The following SERTM2 variants were observed in gnomAD, a reference collection of about 807,000 sequenced individuals.
SERTM2 encodes serine-rich and transmembrane domain-containing protein 2.
chrX:111,518,668 G>A lies in SERTM2; in HGVS notation c.-190G>A, dbSNP rs1930359436. ...CGATTGCTGTGCTGAAGGATAGAGA[G>A]GGTGTTGCAATTGTCAAATAGCATC... On this transcript the variant is annotated 5_prime_UTR_variant, in exon 3 of 3. Transcript: ENST00000569275. 1.4e-5 allele frequency: 4 copies of A among 292,546 alleles called. No homozygotes were observed. Among genetic ancestry groups the A allele is most frequent in the African/African-American group, 5.5e-5 (2 of 36,300 alleles). The allele number at this position is 292,546 out of a possible 1,213,427, so 24.1% of individuals were successfully genotyped here.
Position 111,521,170 on chromosome X carries a change from G to A in SERTM2, c.*2040G>A, listed in dbSNP as rs2147492287. 1 of 112,358 alleles carries A rather than the reference G, an allele frequency of 8.9e-6. No homozygotes were observed. Among genetic ancestry groups the A allele is most frequent in the African/African-American group, 3.2e-5 (1 of 30,971 alleles). The allele number at this position is 112,358 out of a possible 1,213,427, so 9.3% of individuals were successfully genotyped here. A position where few individuals can be genotyped will look rare whatever the true frequency, so the allele number is the denominator to read the frequency against. ...TGTTGCTGAATCTAATAGAGATACAGACTGAAAATCTATTCTCTGCCCATC... is the reference window on the plus strand; with the variant it reads ...TGTTGCTGAATCTAATAGAGATACAAACTGAAAATCTATTCTCTGCCCATC... On this transcript the variant is annotated 3_prime_UTR_variant, in exon 3 of 3. Coordinates refer to ENST00000569275, the MANE Select transcript of SERTM2 (RefSeq NM_001354473.2).
rs906450583 is a variant in SERTM2 at position 111,520,457 on chromosome X, G to T, written c.*1327G>T. Reference sequence around the variant, plus strand: ...AGTTATCTTTTGTACCTAAAGGGGGGTCATCAAATTTCACAGAGTACTCTC... The same window carrying T: ...AGTTATCTTTTGTACCTAAAGGGGGTTCATCAAATTTCACAGAGTACTCTC... On this transcript the variant is annotated 3_prime_UTR_variant, in exon 3 of 3. Coordinates refer to ENST00000569275, the MANE Select transcript of SERTM2 (RefSeq NM_001354473.2). 9.0e-6 allele frequency: 1 copy of T among 111,567 alleles called. No individual in the cohort carries two copies. Among genetic ancestry groups the T allele is most frequent in the Non-Finnish European group, 1.9e-5 (1 of 53,108 alleles). 9.2% of individuals were successfully genotyped at this position (111,567 alleles called of 1,213,427 possible). A position where few individuals can be genotyped will look rare whatever the true frequency, so the allele number is the denominator to read the frequency against.
At chrX:111,515,667 A>G (rs777073860) in intron 2 of SERTM2, among the ~76,000 whole-genome samples, 14 of 111,734 alleles carry the variant, frequency 1.3e-4, no homozygotes, top group African/African-American at 4.5e-4. Context: ...TTTCAAAAAC[A>G]TACTAAGTAA....
At chrX:111,513,153 C>T (rs947486418) in intron 2 of SERTM2, among the ~76,000 whole-genome samples, 5 of 108,596 alleles carry the variant, frequency 4.6e-5, no homozygotes, top group Admixed American at 2.0e-4. Flanking sequence ...CCTTCCTTCT[C>T]CCCCTCATAA....
At chrX:111,517,760 A>C (rs867878223) in intron 2 of SERTM2, among the ~76,000 whole-genome samples, 2 of 101,412 alleles carry the variant, frequency 2.0e-5, no homozygotes, top group Non-Finnish European at 4.3e-5. Flanking sequence ...CCTACTGTGG[A>C]GATTATGATT....
chrX:111,517,468 C>T (rs1408303492), intron 2 of SERTM2, among the ~76,000 whole-genome samples: 20 of 110,408 alleles, frequency 1.8e-4, no homozygotes. Flanking sequence ...AGACATTTTT[C>T]CCCAGTGTTT....
chrX:111,518,987 A>T lies in SERTM2; in HGVS notation c.130A>T (p.Ser44Cys). The T allele has an allele frequency of 3.4e-6, 1 of 297,392 alleles. No individual in the cohort carries two copies. Among genetic ancestry groups the T allele is most frequent in the Admixed American group, 6.1e-5 (1 of 16,447 alleles). The allele number at this position is 297,392 out of a possible 1,213,427, so 24.5% of individuals were successfully genotyped here. The change falls in exon 3 of 3, where the codon AGC becomes TGC. Residue 44 changes from serine to cysteine, a missense_variant. Ser to Cys is a moderately radical substitution (Grantham distance 112). Transcript: ENST00000569275. The stretch of plus-strand genomic sequence containing the variant: ...GTACATGTATGTGGGCTTATTCCTG[A>T]GCCTCCTGGCCATTCTCCTCATCCT... ...NLYMYVGLFLSLLAILLILLF... is the reference protein window; with the variant it reads ...NLYMYVGLFLCLLAILLILLF...
intron 2 of SERTM2, among the ~76,000 whole-genome samples, chrX:111,514,365 T>G (rs1469261411): frequency 9.0e-6 from 1 of 111,661 alleles, no homozygotes; most frequent in African/African-American, 3.2e-5. Context: ...CTCAAGAATT[T>G]TGTAAGTTAC....
At chrX:111,513,885 A>C (rs1930267627) in intron 2 of SERTM2, among the ~76,000 whole-genome samples, 1 of 111,675 alleles carries the variant, frequency 9.0e-6, no homozygotes, top group South Asian at 3.7e-4. Flanking sequence ...GAATTCTAAT[A>C]AATATTGAAT....
Position 111,515,422 on chromosome X carries a change from T to TG in SERTM2, c.-783-2652dup, listed in dbSNP as rs773652051. The stretch of plus-strand genomic sequence containing the variant: ...TGGTGAGGAGGAAGGCCAGTGAGAC[T>TG]GACAACCTATATATGAAGCACTCTG... On this transcript the variant is annotated intron_variant, in intron 2 of 2. Coordinates refer to ENST00000569275, the MANE Select transcript of SERTM2 (RefSeq NM_001354473.2). Among the ~76,000 whole-genome samples, 27 of 111,665 alleles carry TG rather than the reference T, an allele frequency of 2.4e-4. No individual in the cohort carries two copies. The East Asian group carries it at 6.5e-3, about 27-fold the overall frequency.
rs1403272633 is a variant in SERTM2 at position 111,520,029 on chromosome X, G to T, written c.*899G>T. 9.0e-6 allele frequency: 1 copy of T among 111,050 alleles called. No homozygotes were observed. The highest frequency in any genetic ancestry group is 2.8e-4 in the East Asian group (1 of 3,540). 9.2% of individuals were successfully genotyped at this position (111,050 alleles called of 1,213,427 possible). A position where few individuals can be genotyped will look rare whatever the true frequency, so the allele number is the denominator to read the frequency against. On this transcript the variant is annotated 3_prime_UTR_variant, in exon 3 of 3. Transcript: ENST00000569275. The stretch of plus-strand genomic sequence containing the variant: ...TGAAAAATGATTAGAGAGCTATTTA[G>T]TCATCACTATACTCTTTAGATCTGA...
At position 111,519,171 on chromosome X, in the gene SERTM2, C is replaced by A; in HGVS notation, c.*41C>A. The A allele has an allele frequency of 3.4e-6, 1 of 296,784 alleles. No homozygotes were observed. Among genetic ancestry groups the A allele is most frequent in the South Asian group, 2.1e-4 (1 of 4,799 alleles). 24.5% of individuals were successfully genotyped at this position (296,784 alleles called of 1,213,427 possible). A position where few individuals can be genotyped will look rare whatever the true frequency, so the allele number is the denominator to read the frequency against. ...GAGCTTTAGTGGATCTGGGTAAACC[C>A]TTATATATGGATGTCCAGGAGAGCT... is the stretch of plus-strand genomic sequence containing the variant. On this transcript the variant is annotated 3_prime_UTR_variant, in exon 3 of 3. Coordinates refer to ENST00000569275, the MANE Select transcript of SERTM2 (RefSeq NM_001354473.2).
intron 2 of SERTM2, among the ~76,000 whole-genome samples, chrX:111,512,624 T>A (rs1930248071): frequency 8.9e-6 from 1 of 111,850 alleles, no homozygotes; most frequent in African/African-American, 3.2e-5. Context: ...CCTAAAAAAG[T>A]GTCTGGAACT....
Position 111,520,648 on chromosome X carries a change from T to C in SERTM2, c.*1518T>C, listed in dbSNP as rs1206547602. 4.5e-5 allele frequency: 5 copies of C among 111,769 alleles called. No homozygotes were observed. Among genetic ancestry groups the C allele is most frequent in the African/African-American group, 1.6e-4 (5 of 30,747 alleles). 9.2% of individuals were successfully genotyped at this position (111,769 alleles called of 1,213,427 possible). ...AATTCCCAAGTGCTTTCCACTTTTA[T>C]ACACAGTCATTTGTCAATGCTCCTC... is the stretch of plus-strand genomic sequence containing the variant. On this transcript the variant is annotated 3_prime_UTR_variant, in exon 3 of 3. Coordinates refer to ENST00000569275, the MANE Select transcript of SERTM2 (RefSeq NM_001354473.2).
rs767539345 is a variant in SERTM2, at chrX:111,518,832, A to T, written c.-26A>T. ...CAAGGGCAGTAGAAATCAAATAGAA[A>T]CACATACTAACTCAAGTCTTGAGTG... On this transcript the variant is annotated 5_prime_UTR_variant, in exon 3 of 3. Transcript: ENST00000569275. The T allele has an allele frequency of 3.4e-5, 10 of 295,608 alleles. No individual in the cohort carries two copies. In the South Asian group the frequency reaches 1.9e-3, roughly 55 times the overall value. The allele number at this position is 295,608 out of a possible 1,213,427, so 24.4% of individuals were successfully genotyped here.
chrX:111,515,057 T>A (rs1429186354), intron 2 of SERTM2, among the ~76,000 whole-genome samples: 1 of 110,855 alleles, frequency 9.0e-6, no homozygotes, highest in Non-Finnish European at 1.9e-5. Context: ...AGTTGGTAGA[T>A]GTTTGCCCAC....
In SERTM2 at chrX:111,518,079, A is replaced by T. The variant is rs1165520055; in HGVS notation, c.-779A>T. The T allele has an allele frequency of 9.0e-6, 1 of 111,449 alleles. No homozygotes were observed. Among genetic ancestry groups the T allele is most frequent in the African/African-American group, 3.3e-5 (1 of 30,669 alleles). The allele number at this position is 111,449 out of a possible 1,213,427, so 9.2% of individuals were successfully genotyped here. A position where few individuals can be genotyped will look rare whatever the true frequency, so the allele number is the denominator to read the frequency against. On this transcript the variant is annotated 5_prime_UTR_variant, in exon 3 of 3. Transcript: ENST00000569275. ...ATTTTTGTTTTTGATTTTCAGGAAA[A>T]TCAATATCTGTTGGAGAATCTGAAG... is the stretch of plus-strand genomic sequence containing the variant.
chrX:111,521,961 T>G lies in SERTM2; in HGVS notation c.*2831T>G, dbSNP rs1448905322. On this transcript the variant is annotated 3_prime_UTR_variant, in exon 3 of 3. Transcript: ENST00000569275. ...TTGCATATATTTCAGAATCATGGGT[T>G]GTACAAAATGAAGTATATTGTAAAA... 1 of 111,959 alleles carries G rather than the reference T, an allele frequency of 8.9e-6. No homozygotes were observed. The highest frequency in any genetic ancestry group is 1.9e-5 in the Non-Finnish European group (1 of 53,242). The allele number at this position is 111,959 out of a possible 1,213,427, so 9.2% of individuals were successfully genotyped here.
intron 2 of SERTM2, among the ~76,000 whole-genome samples, chrX:111,513,486 T>C (rs373724006): frequency 4.9e-4 from 55 of 111,675 alleles, no homozygotes; most frequent in African/African-American, 1.6e-3. Context: ...TGAAATTGCA[T>C]GGTTGTTTTT....
Sources: allele counts gnomAD v4.1 joint callset (sites outside exome capture counted in the v4.1 genomes callset), GRCh38; gene constraint gnomAD v4.1.1; transcripts MANE v1.5; gene names NCBI Gene and HGNC (gene_info 2026-07-23, HGNC 2026-07-21).